Variants in RRM2 observed in about 807,000 individuals in gnomAD.
RRM2 encodes the protein ribonucleotide reductase regulatory subunit M2.
RRM2 carries 6 observed loss-of-function variants against 45.9 expected under a neutral mutation model. The observed-to-expected ratio is 0.13, with a 90% CI of 0.07 to 0.26. The LOEUF (loss-of-function observed/expected upper bound fraction) is 0.26. Among genes scored for constraint, RRM2 ranks in the 10% least tolerant of loss-of-function variants. The pLI is 1.00. For synonymous variants in RRM2, 177 were observed against 173.0 expected (o/e 1.02, Z -0.18); for missense variants, 343 against 489.5 (o/e 0.70, Z 2.82).
At chr2:10,160,125 C>A (rs1479306304) in intron 3 of RRM2, among the ~76,000 whole-genome samples, 8 of 152,202 alleles carry the variant, frequency 5.3e-5, no homozygotes, top group Admixed American at 4.6e-4. Context: ...GTCTTCTGCT[C>A]ATGCTGGGCT....
In RRM2 at chr2:10,170,431, AG is replaced by A. The variant is rs1663775905; in HGVS notation, n.482+28062del. ...TCCCTGGCTCGTGGGCGCTGGAACCAGGGGGGAATTTCAGGGTGAGTCATGA... is the reference window on the plus strand; with the variant it reads ...TCCCTGGCTCGTGGGCGCTGGAACCAGGGGGAATTTCAGGGTGAGTCATGA... On this transcript the variant is annotated intron_variant and non_coding_transcript_variant, in intron 3 of 3. Coordinates refer to the RRM2 transcript ENST00000381786. Among the ~76,000 whole-genome samples the A allele has an allele frequency of 2.0e-5, 3 of 151,964 alleles. No individual in the cohort carries two copies. In the South Asian group the frequency reaches 6.2e-4, roughly 32 times the overall value.
At chr2:10,197,225 C>T (rs983152466) in intron 3 of RRM2, among the ~76,000 whole-genome samples, 11 of 152,214 alleles carry the variant, frequency 7.2e-5, no homozygotes, top group Admixed American at 6.5e-4. Flanking sequence ...GTGTGCGGAT[C>T]GAGGGAAGTC....
chr2:10,156,283 T>C (rs908973381), intron 3 of RRM2: 2 of 152,270 alleles, frequency 1.3e-5, no homozygotes, highest in African/African-American at 4.8e-5. Flanking sequence ...AGAAAGTTTA[T>C]AAATTTGTGT....
intron 3 of RRM2, among the ~76,000 whole-genome samples, chr2:10,170,962 C>T (rs1663792637): frequency 6.6e-6 from 1 of 152,224 alleles, no homozygotes; most frequent in Non-Finnish European, 1.5e-5. Flanking sequence ...GGGGGCTTGT[C>T]CCCAGCCCAG....
chr2:10,209,060 T>TCTTTCTTTCTTTCTTTCTTTC (rs1553330325), intron 3 of RRM2, among the ~76,000 whole-genome samples: 2 of 144,386 alleles, frequency 1.4e-5, no homozygotes, highest in Non-Finnish European at 3.1e-5. Flanking sequence ...TTTCTTTCTT[T>TCTTTCTTTCTTTCTTTCTTTC]TTTTTTTTTT....
rs1663104950 is a variant in RRM2, at chr2:10,142,457, C to A, written n.482+82C>A. 5.3e-6 allele frequency: 7 copies of A among 1,315,392 alleles called. No individual in the cohort carries two copies. The African/African-American group carries it at 7.5e-5, about 14-fold the overall frequency. 81.5% of individuals were successfully genotyped at this position (1,315,392 alleles called of 1,614,324 possible). A position where few individuals can be genotyped will look rare whatever the true frequency, so the allele number is the denominator to read the frequency against. On this transcript the variant is annotated intron_variant and non_coding_transcript_variant, in intron 3 of 3. Transcript: ENST00000381786. The stretch of plus-strand genomic sequence containing the variant: ...TTGCGGGGCCTGTCATCTGCTGTTT[C>A]CTAGCTCAGTGTACAGGGCCCCCAC...
chr2:10,205,371 C>T lies in RRM2; in HGVS notation n.483-4940C>T, dbSNP rs1489007796. Among the ~76,000 whole-genome samples, 1 of 152,168 alleles carries T rather than the reference C, an allele frequency of 6.6e-6. No homozygotes were observed. Among genetic ancestry groups the T allele is most frequent in the Non-Finnish European group, 1.5e-5 (1 of 68,032 alleles). ...GTCAGAACACATTTTGGGGCAGAACCGAGTTTTCTCTTCACTTTCAGACTC... is the reference window on the plus strand; with the variant it reads ...GTCAGAACACATTTTGGGGCAGAACTGAGTTTTCTCTTCACTTTCAGACTC... On this transcript the variant is annotated intron_variant and non_coding_transcript_variant, in intron 3 of 3. Coordinates refer to the RRM2 transcript ENST00000381786. The surrounding 1 kb of genome is among the most constrained non-coding windows in gnomAD (Gnocchi z 4.8).
intron 3 of RRM2, among the ~76,000 whole-genome samples, chr2:10,207,758 C>T (rs1285553990): frequency 2.6e-5 from 4 of 152,144 alleles, no homozygotes; most frequent in East Asian, 3.8e-4. Flanking sequence ...ATGTTCCCCT[C>T]GTGCCATGGT....
At position 10,127,725 on chromosome 2, in the gene RRM2, A is replaced by C. The variant is rs973106024; in HGVS notation, c.798+505A>C. Among the ~76,000 whole-genome samples, 9 of 151,134 alleles carry C rather than the reference A, an allele frequency of 6.0e-5. No individual in the cohort carries two copies. The highest frequency in any genetic ancestry group is 1.0e-4 in the Non-Finnish European group (7 of 67,570). On this transcript the variant is annotated intron_variant, in intron 7 of 9. Coordinates refer to ENST00000304567, the MANE Select transcript of RRM2 (RefSeq NM_001034.4). The surrounding 1 kb of genome is among the most constrained non-coding windows in gnomAD (Gnocchi z 4.1). ...CTGACCTCAGGTGATCAGGTGATCC[A>C]CCCGCCTCGGCCTCCCAGAGTGCTG...
At chr2:10,155,052 C>A (rs538277725) in intron 3 of RRM2, 4 of 180,578 alleles carry the variant, frequency 2.2e-5, no homozygotes, top group South Asian at 9.4e-5. Context: ...AAAAAAAAAA[C>A]AGTGGCTTTA....
intron 3 of RRM2, among the ~76,000 whole-genome samples, chr2:10,191,961 C>T (rs2125329379): frequency 6.6e-6 from 1 of 152,250 alleles, no homozygotes; most frequent in East Asian, 1.9e-4. Context: ...GGAATCTGCA[C>T]ACGACTCCTG....
intron 3 of RRM2, among the ~76,000 whole-genome samples, chr2:10,202,470 T>C (rs1664584598): frequency 6.6e-6 from 1 of 152,222 alleles, no homozygotes; most frequent in Non-Finnish European, 1.5e-5. Context: ...TGAGAGGAGC[T>C]TCTGGCCGAT....
chr2:10,182,825 A>G (rs1572522392), intron 3 of RRM2, among the ~76,000 whole-genome samples: 1 of 152,246 alleles, frequency 6.6e-6, no homozygotes, highest in Middle Eastern at 3.4e-3. Flanking sequence ...AGGTTAGGGG[A>G]AACAGCCAAC....
chr2:10,173,137 T>A (rs188029595), intron 3 of RRM2, among the ~76,000 whole-genome samples: 1 of 152,282 alleles, frequency 6.6e-6, no homozygotes, highest in East Asian at 1.9e-4. Flanking sequence ...GTTTTCCGCA[T>A]CTGCAAAATG....
At chr2:10,179,829 G>A (rs565955248) in intron 3 of RRM2, among the ~76,000 whole-genome samples, 3 of 152,324 alleles carry the variant, frequency 2.0e-5, no homozygotes, top group African/African-American at 7.2e-5. Flanking sequence ...CAGGGTCATA[G>A]GTTACTCTGC....
chr2:10,200,179 C>T (rs79878637), intron 3 of RRM2, among the ~76,000 whole-genome samples: 1,719 of 152,274 alleles, frequency 0.011, 14 homozygotes, highest in Non-Finnish European at 0.018. Flanking sequence ...ATTATTTTTA[C>T]ATAGGCCTTT....
At chr2:10,138,122 T>C (rs1663022470), upstream of RRM2, among the ~76,000 whole-genome samples, 3 of 151,744 alleles carry the variant, frequency 2.0e-5, no homozygotes, top group South Asian at 4.2e-4. Context: ...TGCCTCAGCC[T>C]CCTGAGCAGC....
At chr2:10,137,892 C>T (rs974503710), upstream of RRM2, among the ~76,000 whole-genome samples, 1 of 152,218 alleles carries the variant, frequency 6.6e-6, no homozygotes, top group Non-Finnish European at 1.5e-5. Context: ...CCTGCAGCTG[C>T]TCTGGCCTTC....
At chr2:10,184,110 A>AG (rs1664115559) in intron 3 of RRM2, among the ~76,000 whole-genome samples, 2 of 149,666 alleles carry the variant, frequency 1.3e-5, no homozygotes, top group Non-Finnish European at 3.0e-5. Flanking sequence ...AAAAAAAAAA[A>AG]AAAAAAAAAA....
Sources: allele counts gnomAD v4.1 joint callset (sites outside exome capture counted in the v4.1 genomes callset), GRCh38; gene constraint gnomAD v4.1.1; non-coding constraint Gnocchi (gnomAD v3.1); transcripts MANE v1.5; gene names NCBI Gene and HGNC (gene_info 2026-07-23, HGNC 2026-07-21).